Variants in FIRRM observed in about 807,000 individuals in gnomAD.
FIRRM encodes the protein FIGNL1-interacting regulator of recombination and mitosis.
chr1:169,838,636 C>T, the FIRRM span, among the ~76,000 whole-genome samples: 3 of 151,982 alleles, frequency 2.0e-5, no homozygotes, highest in Non-Finnish European at 4.4e-5. Context: ...ATTACAGGCA[C>T]CCGCCACCAT....
At chr1:169,804,268 A>G in the FIRRM span, 12 of 1,383,788 alleles carry the variant, frequency 8.7e-6, no homozygotes, top group South Asian at 2.2e-4. Flanking sequence ...TCTGCTTAGT[A>G]TATGGTGACT....
the FIRRM span, chr1:169,849,710 C>A: frequency 1.2e-6 from 1 of 839,266 alleles, no homozygotes; most frequent in Non-Finnish European, 1.9e-6. Context: ...GTATTGCAAT[C>A]GGAAAATTGT....
At chr1:169,808,413 A>T in the FIRRM span, among the ~76,000 whole-genome samples, 1 of 152,142 alleles carries the variant, frequency 6.6e-6, no homozygotes, top group African/African-American at 2.4e-5. Context: ...TAGAGTGTTG[A>T]ATTGGTATCC....
chr1:169,823,522 C>A, the FIRRM span: 1 of 1,175,288 alleles, frequency 8.5e-7, no homozygotes. Context: ...CCATCTGTGC[C>A]ATGCAGTGCT....
At chr1:169,853,544 C>T in the FIRRM span, 1 of 668,946 alleles carries the variant, frequency 1.5e-6, no homozygotes, top group Admixed American at 2.7e-5. Flanking sequence ...TTTTAGCCAG[C>T]ACTCACAGTC....
At chr1:169,853,656 T>C in the FIRRM span, 2 of 1,583,106 alleles carry the variant, frequency 1.3e-6, no homozygotes, top group Non-Finnish European at 1.7e-6. Flanking sequence ...TTTTGAGGTA[T>C]TGATTTTTTT....
At chr1:169,785,158 G>T in the FIRRM span, among the ~76,000 whole-genome samples, 48 of 152,312 alleles carry the variant, frequency 3.2e-4, no homozygotes, top group Admixed American at 9.8e-4. Flanking sequence ...TGACAGTGGG[G>T]TGGCTCTCTG....
the FIRRM span, chr1:169,792,684 GAA>G: frequency 2.5e-6 from 4 of 1,611,552 alleles, no homozygotes; most frequent in Non-Finnish European, 3.4e-6. Flanking sequence ...ACAAACTTCT[GAA>G]AGAGATGAAC....
At chr1:169,851,045 CTTTTTTTTTTTTTTTTT>C in the FIRRM span, 1 of 17,308 alleles carries the variant, frequency 5.8e-5, no homozygotes, top group Non-Finnish European at 1.0e-4. Flanking sequence ...GCTCAGGGCC[CTTTTTTTTTTTTTTTTT>C]TTTTTTTTTT....
the FIRRM span, chr1:169,827,274 C>CT: frequency 1.3e-5 from 16 of 1,221,112 alleles, no homozygotes; most frequent in Non-Finnish European, 1.8e-5. Context: ...CCTAGCCATT[C>CT]TTTTTTACAA....
chr1:169,792,072 T>C, the FIRRM span, among the ~76,000 whole-genome samples: 1 of 152,212 alleles, frequency 6.6e-6, no homozygotes, highest in African/African-American at 2.4e-5. Context: ...CTTTGTTTCC[T>C]CATCTCCATG....
chr1:169,797,883 A>T, the FIRRM span, among the ~76,000 whole-genome samples: 5,197 of 152,208 alleles, frequency 0.034, 134 homozygotes, highest in Non-Finnish European at 0.054. Flanking sequence ...GATGATTCTT[A>T]TGGTGTTGTT....
chr1:169,851,355 A>G, the FIRRM span: 1 of 152,628 alleles, frequency 6.6e-6, no homozygotes, highest in East Asian at 1.9e-4. Flanking sequence ...ACTGAACTTT[A>G]TTTTTTAGAC....
At chr1:169,814,085 T>C in the FIRRM span, among the ~76,000 whole-genome samples, 2 of 152,350 alleles carry the variant, frequency 1.3e-5, no homozygotes, top group South Asian at 2.1e-4. Flanking sequence ...CATGAAGATA[T>C]ATGTACCTGA....
chr1:169,799,440 A>G, the FIRRM span, among the ~76,000 whole-genome samples: 4,072 of 152,260 alleles, frequency 0.027, 205 homozygotes, highest in East Asian at 0.22. Context: ...GTCAGAAGAG[A>G]GTTTAGACTG....
the FIRRM span, chr1:169,852,691 A>G: frequency 9.7e-6 from 12 of 1,233,158 alleles, no homozygotes; most frequent in African/African-American, 1.5e-5. Flanking sequence ...TGATCCAATG[A>G]CTAGAATAAA....
At chr1:169,788,716 ATC>A in the FIRRM span, among the ~76,000 whole-genome samples, 2 of 152,114 alleles carry the variant, frequency 1.3e-5, no homozygotes, top group African/African-American at 4.8e-5. Flanking sequence ...CCTGCGTCAA[ATC>A]TTTTTTTTTG....
chr1:169,809,125 G>T, the FIRRM span, among the ~76,000 whole-genome samples: 3 of 152,192 alleles, frequency 2.0e-5, no homozygotes, highest in Admixed American at 2.0e-4. Context: ...GACCCTAGGG[G>T]AGGGTGGAAC....
the FIRRM span, among the ~76,000 whole-genome samples, chr1:169,796,693 CAT>C: frequency 2.0e-5 from 3 of 152,188 alleles, no homozygotes; most frequent in Non-Finnish European, 4.4e-5. Flanking sequence ...AGGGGAAAAA[CAT>C]AGATCTCGTC....
Sources: gnomAD v4.1 joint callset for allele counts (sites outside exome capture counted in the v4.1 genomes callset) on GRCh38, gnomAD v4.1.1 for gene constraint, MANE v1.5 for transcripts, NCBI Gene and HGNC (gene_info 2026-07-23, HGNC 2026-07-21) for gene names.